NFATC2: variants seen among roughly 807,000 people sequenced by gnomAD.
The protein encoded by NFATC2 is nuclear factor of activated T cells 2.
A neutral mutation model predicts 87.3 loss-of-function variants in NFATC2; 22 were observed. That is an observed-to-expected ratio of 0.25 (90% confidence interval 0.18 to 0.36). The LOEUF (loss-of-function observed/expected upper bound fraction) is 0.36, where lower values mean the gene tolerates loss of function less well. Ranked by LOEUF, NFATC2 falls within the 10% of genes least tolerant of loss-of-function variation. The pLI, the probability that NFATC2 is intolerant of heterozygous loss-of-function variation, is 1.00. For missense variants in NFATC2, 1,149 were observed against 1,259.1 expected (o/e 0.91, Z 1.32); for synonymous variants, 565 against 542.2 (o/e 1.04, Z -0.58).
intron 6 of NFATC2, among the ~76,000 whole-genome samples, chr20:51,442,025 T>C (rs764824064): frequency 2.0e-5 from 3 of 152,156 alleles, no homozygotes; most frequent in African/African-American, 2.4e-5. Context: ...AGGGGACTGG[T>C]TGAATTAATT....
chr20:51,432,539 T>C lies in NFATC2; in HGVS notation c.2250A>G (p.Val750=). The C allele has an allele frequency of 1.3e-6, 2 of 1,550,930 alleles. No homozygotes were observed. Among genetic ancestry groups the C allele is most frequent in the Non-Finnish European group, 1.7e-6 (2 of 1,150,372 alleles). The change falls in exon 9 of 11, where the codon GTA becomes GTG. Residue 750 remains valine, a synonymous_variant. Coordinates refer to ENST00000371564, the MANE Select transcript of NFATC2 (RefSeq NM_012340.5). The surrounding 1 kb of genome is among the most constrained non-coding windows in gnomAD (Gnocchi z 4.6). Reference sequence around the variant, plus strand: ...TCAGGCTCTTGCTCCGCTGGTAGAGTACGGCCGCTGGGTTCTGTTGCTGGT... The same window carrying C: ...TCAGGCTCTTGCTCCGCTGGTAGAGCACGGCCGCTGGGTTCTGTTGCTGGT... ...ARYQQQNPAA[V]LYQRSKSLSP...
chr20:51,456,247 TG>T (rs1986529758), intron 5 of NFATC2, among the ~76,000 whole-genome samples: 1 of 152,122 alleles, frequency 6.6e-6, no homozygotes, highest in Non-Finnish European at 1.5e-5. Flanking sequence ...AAATGAAAAA[TG>T]GAGGAACAGG....
Position 51,524,565 on chromosome 20 carries a change from C to T in NFATC2, c.131-455G>A, listed in dbSNP as rs1197456388. Among the ~76,000 whole-genome samples, 3 of 152,066 alleles carry T rather than the reference C, an allele frequency of 2.0e-5. No homozygotes were observed. Among genetic ancestry groups the T allele is most frequent in the South Asian group, 2.1e-4 (1 of 4,814 alleles). ...AGACGGATCCCCTAACCCGTCTGCG[C>T]GGTAGGTCATGACCCCTAGTTTGAA... On this transcript the variant is annotated intron_variant, in intron 1 of 10. Coordinates refer to ENST00000371564, the MANE Select transcript of NFATC2 (RefSeq NM_012340.5). This position sits in a 1 kb window ranked among gnomAD's most constrained non-coding sequence, Gnocchi z 4.0.
At chr20:51,396,034 GTATGTATATATATATATATATA>G (rs1197266456) in intron 10 of NFATC2, among the ~76,000 whole-genome samples, 82 of 126,516 alleles carry the variant, frequency 6.5e-4, no homozygotes, top group Middle Eastern at 4.3e-3. Context: ...TCAGCTCCTA[GTATGTATATATATATATATATA>G]TATATATATA....
In NFATC2 at chr20:51,454,591, G is replaced by C; in HGVS notation, c.1806C>G (p.Asn602Lys). Residue 602 changes from asparagine to lysine, a missense_variant, in exon 6 of 11, where the codon AAC (asparagine) becomes AAG (lysine). Around this residue, in one of 3 missense-constraint regions of NFATC2, gnomAD observed 581 missense variants for 649.7 expected, o/e 0.89. Transcript: ENST00000371564. ...GGQQMILTGQ[N>K]FTSESKVVFT... Reference sequence around the variant, plus strand: ...ACACAACTTTGGACTCGGATGTAAAGTTCTGCCCCGTGAGGATCATTTGCT... The same window carrying C: ...ACACAACTTTGGACTCGGATGTAAACTTCTGCCCCGTGAGGATCATTTGCT... 5 of 1,614,122 alleles carry C rather than the reference G, an allele frequency of 3.1e-6. No homozygotes were observed. Among genetic ancestry groups the C allele is most frequent in the Non-Finnish European group, 4.2e-6 (5 of 1,180,032 alleles).
At position 51,390,505 on chromosome 20, in the gene NFATC2, A is replaced by C. The variant is rs1271330875; in HGVS notation, c.*991T>G. On this transcript the variant is annotated 3_prime_UTR_variant, in exon 11 of 11. Transcript: ENST00000371564. ...AAAAGCACTCTGGCTGCTAGGAAGA[A>C]AGCAAGCCGGAACCTTGCAAAGCAT... The C allele has an allele frequency of 6.6e-6, 1 of 152,212 alleles. No individual in the cohort carries two copies. Among genetic ancestry groups the C allele is most frequent in the Non-Finnish European group, 1.5e-5 (1 of 68,050 alleles). The allele number at this position is 152,212 out of a possible 1,614,324, so 9.4% of individuals were successfully genotyped here. A position where few individuals can be genotyped will look rare whatever the true frequency, so the allele number is the denominator to read the frequency against.
intron 3 of NFATC2, among the ~76,000 whole-genome samples, chr20:51,477,580 T>TATATATATAA (rs1491275592): frequency 7.1e-5 from 5 of 69,974 alleles, no homozygotes; most frequent in Non-Finnish European, 9.6e-5. Context: ...TATATATATA[T>TATATATATAA]AAAATAACAA....
intron 6 of NFATC2, among the ~76,000 whole-genome samples, chr20:51,444,671 C>T (rs769584168): frequency 7.9e-5 from 12 of 152,136 alleles, no homozygotes; most frequent in African/African-American, 7.2e-5. Context: ...GTTAGGAAAC[C>T]GCACATGATG....
chr20:51,426,693 T>C (rs573393757), intron 9 of NFATC2, among the ~76,000 whole-genome samples: 2 of 152,208 alleles, frequency 1.3e-5, no homozygotes, highest in Admixed American at 6.5e-5. Flanking sequence ...AAAAGAGTCA[T>C]GAAATCTGAC....
rs10599453 is a variant in NFATC2 at position 51,476,075 on chromosome 20, C to CT, written c.1333-416dup. Among the ~76,000 whole-genome samples, 231 of 141,154 alleles carry CT rather than the reference C, an allele frequency of 1.6e-3. 2 individuals are homozygous for CT. The highest frequency in any genetic ancestry group is 0.015 in the East Asian group (70 of 4,540). The allele number at this position is 141,154 out of a possible 152,430, so 92.6% of individuals were successfully genotyped here. ...AGATCAGAAGAAAGAACTGTCACTT[C>CT]TTTTTTTTTTTTTTTTTATACTTTA... On this transcript the variant is annotated intron_variant, in intron 3 of 10. Coordinates refer to ENST00000371564, the MANE Select transcript of NFATC2 (RefSeq NM_012340.5).
At chr20:51,540,382 C>T (rs750636460) in intron 1 of NFATC2, among the ~76,000 whole-genome samples, 7 of 152,182 alleles carry the variant, frequency 4.6e-5, no homozygotes, top group Non-Finnish European at 7.3e-5. Flanking sequence ...CTCCCGAAAA[C>T]CTAGAGCCCT....
intron 2 of NFATC2, among the ~76,000 whole-genome samples, 187 bp downstream of exon 2, chr20:51,522,894 G>A (rs2076471613): frequency 6.6e-6 from 1 of 152,204 alleles, no homozygotes; most frequent in Non-Finnish European, 1.5e-5. Context: ...CCATTTTACA[G>A]ATGAGAAAAA....
intron 3 of NFATC2, among the ~76,000 whole-genome samples, chr20:51,489,772 C>T (rs943015730): frequency 6.6e-6 from 1 of 152,218 alleles, no homozygotes; most frequent in African/African-American, 2.4e-5. Flanking sequence ...TTCAACTGCT[C>T]AGAAACATAC....
chr20:51,455,226 AC>A (rs1164117584), intron 5 of NFATC2, among the ~76,000 whole-genome samples: 1 of 151,994 alleles, frequency 6.6e-6, no homozygotes, highest in Non-Finnish European at 1.5e-5. Context: ...TCCATGATCT[AC>A]CCATGGGGTC....
chr20:51,503,180 G>A (rs1165875821), intron 3 of NFATC2, among the ~76,000 whole-genome samples: 1 of 152,208 alleles, frequency 6.6e-6, no homozygotes, highest in Admixed American at 6.5e-5. Flanking sequence ...TATGAGGGAA[G>A]ACCTTGCCCT....
In NFATC2 at chr20:51,502,000, G is replaced by A. The variant is rs895133732; in HGVS notation, c.1332+14784C>T. On this transcript the variant is annotated intron_variant, in intron 3 of 10. Coordinates refer to ENST00000371564, the MANE Select transcript of NFATC2 (RefSeq NM_012340.5). ...TATTTCAAAAAGCAGGTGATGCGCC[G>A]AATTTGGCTGGCATAGTTTGACGAC... Among the ~76,000 whole-genome samples the A allele has an allele frequency of 1.3e-4, 20 of 152,306 alleles. No homozygotes were observed. The East Asian group carries it at 2.5e-3, about 19-fold the overall frequency.
chr20:51,543,601 C>T (rs1458528466), upstream of NFATC2, among the ~76,000 whole-genome samples: 1 of 152,110 alleles, frequency 6.6e-6, no homozygotes, highest in Non-Finnish European at 1.5e-5. Flanking sequence ...TCTGATGGGG[C>T]GGTTGGCAAG....
chr20:51,477,588 CAA>C lies in NFATC2; in HGVS notation c.1333-1930_1333-1929del, dbSNP rs1351883686. Among the ~76,000 whole-genome samples the C allele has an allele frequency of 3.7e-5, 3 of 82,130 alleles. No homozygotes were observed. In the Admixed American group the frequency reaches 4.1e-4, roughly 11 times the overall value. 53.9% of individuals were successfully genotyped at this position (82,130 alleles called of 152,430 possible). On this transcript the variant is annotated intron_variant, in intron 3 of 10. Transcript: ENST00000371564. Reference sequence around the variant, plus strand: ...ATATATATATATATATATAAAATAACAAGAGACAAAAGGACATTGGTCTAGAG... The same window carrying C: ...ATATATATATATATATATAAAATAACGAGACAAAAGGACATTGGTCTAGAG...
chr20:51,530,750 C>T (rs1254558964), intron 1 of NFATC2, among the ~76,000 whole-genome samples: 1 of 152,148 alleles, frequency 6.6e-6, no homozygotes, highest in Non-Finnish European at 1.5e-5. Flanking sequence ...CCTTACATCT[C>T]CTAACAAGCC....
Sources: allele counts gnomAD v4.1 joint callset (sites outside exome capture counted in the v4.1 genomes callset), GRCh38; gene constraint gnomAD v4.1.1; regional missense constraint gnomAD v4.1.1; non-coding constraint Gnocchi (gnomAD v3.1); transcripts MANE v1.5; gene names NCBI Gene and HGNC (gene_info 2026-07-23, HGNC 2026-07-21).